Variants in COL4A4 observed in about 807,000 individuals in gnomAD.
COL4A4 encodes collagen type IV alpha 4 chain.
Under a neutral mutation model 192.9 loss-of-function variants are expected in COL4A4, and 105 were observed. That is an observed-to-expected ratio of 0.54 (90% confidence interval 0.46 to 0.64). The LOEUF (loss-of-function observed/expected upper bound fraction) is 0.64, where lower values mean the gene tolerates loss of function less well. COL4A4 is among the 30% of genes least tolerant of loss of function. The pLI is 0.00. For synonymous variants in COL4A4, 762 were observed against 769.9 expected, an observed-to-expected ratio of 0.99 and a Z score of 0.17; for missense variants, 1,967 against 2,169.3, an observed-to-expected ratio of 0.91 and a Z score of 1.85.
At chr2:227,147,194 A>G (rs2063602777) in intron 2 of COL4A4, 1 of 675,608 alleles carries the variant, frequency 1.5e-6, no homozygotes, top group Admixed American at 1.8e-5. Context: ...TTCCTTGTGC[A>G]ACTTCCCATT....
At chr2:227,020,443 T>C (rs1965782615) in intron 44 of COL4A4, among the ~76,000 whole-genome samples, 1 of 152,246 alleles carries the variant, frequency 6.6e-6, no homozygotes, top group South Asian at 2.1e-4. Flanking sequence ...ACAGATGCAA[T>C]GCAATAAACA....
intron 12 of COL4A4, among the ~76,000 whole-genome samples, chr2:227,108,039 A>G (rs1247198696): frequency 6.6e-6 from 1 of 152,126 alleles, no homozygotes; most frequent in Non-Finnish European, 1.5e-5. Context: ...TACAGGCATC[A>G]GCCATCGTGC....
intron 37 of COL4A4, among the ~76,000 whole-genome samples, chr2:227,041,856 A>AGAG (rs1559478390): frequency 4.1e-5 from 4 of 97,040 alleles, no homozygotes; most frequent in Non-Finnish European, 8.5e-5. Flanking sequence ...AAGAGAAAGA[A>AGAG]AGAAAGAAAG....
At chr2:226,967,690 A>G in the COL4A4 span, among the ~76,000 whole-genome samples, 1 of 152,058 alleles carries the variant, frequency 6.6e-6, no homozygotes, top group Non-Finnish European at 1.5e-5. Flanking sequence ...ATAAATTTTA[A>G]TTGTTATAGT....
intron 25 of COL4A4, among the ~76,000 whole-genome samples, chr2:227,074,785 A>G (rs2058926980): frequency 6.6e-6 from 1 of 152,164 alleles, no homozygotes; most frequent in Non-Finnish European, 1.5e-5. Flanking sequence ...ATAATTATAA[A>G]TGAAGTAACA....
intron 44 of COL4A4, among the ~76,000 whole-genome samples, chr2:227,013,280 C>T (rs950230101): frequency 7.2e-5 from 11 of 152,116 alleles, no homozygotes; most frequent in Non-Finnish European, 4.4e-5. Context: ...CTCTCTTTCT[C>T]TCTCTGTCTC....
At chr2:226,991,834 T>C in the COL4A4 span, among the ~76,000 whole-genome samples, 1 of 152,192 alleles carries the variant, frequency 6.6e-6, no homozygotes. Flanking sequence ...GTCCCCTTTT[T>C]CAGTAGCCTC....
At chr2:227,124,741 CAA>C (rs1446952096) in intron 4 of COL4A4, among the ~76,000 whole-genome samples, 1 of 152,160 alleles carries the variant, frequency 6.6e-6, no homozygotes, top group Non-Finnish European at 1.5e-5. Context: ...TAAAAACAAA[CAA>C]TGACTTCAGA....
chr2:227,057,381 A>G, intron 29 of COL4A4, 58 bp downstream of exon 29: 2 of 1,532,142 alleles, frequency 1.3e-6, no homozygotes, highest in Non-Finnish European at 1.8e-6. Context: ...GTAAAAGGGG[A>G]GCTTATTTAA....
chr2:227,157,557 A>C (rs995556139), intron 1 of COL4A4, among the ~76,000 whole-genome samples: 3 of 152,068 alleles, frequency 2.0e-5, no homozygotes, highest in African/African-American at 7.2e-5. Context: ...GGAATATTAA[A>C]AATGACAATA....
chr2:227,144,963 G>A (rs970679321), intron 2 of COL4A4, among the ~76,000 whole-genome samples: 16 of 152,172 alleles, frequency 1.1e-4, no homozygotes, highest in African/African-American at 3.9e-4. Context: ...TTTAGTGGAA[G>A]CAACTAGAAG....
intron 35 of COL4A4, among the ~76,000 whole-genome samples, chr2:227,045,801 CATATATATATATAT>C (rs771258452): frequency 1.9e-5 from 1 of 51,650 alleles, no homozygotes; most frequent in Non-Finnish European, 3.4e-5. Context: ...TATATATACA[CATATATATATATAT>C]ACACATATAT....
At chr2:227,060,035 A>T in intron 27 of COL4A4, 101 bp downstream of exon 27, 1 of 804,596 alleles carries the variant, frequency 1.2e-6, no homozygotes, top group Non-Finnish European at 2.0e-6. Flanking sequence ...TCCCTGGACC[A>T]TTTCCTCAAT....
At chr2:227,141,368 T>C (rs1322507467) in intron 3 of COL4A4, among the ~76,000 whole-genome samples, 2 of 152,190 alleles carry the variant, frequency 1.3e-5, no homozygotes, top group Non-Finnish European at 2.9e-5. Flanking sequence ...ACAATAAAAC[T>C]AATATTTATA....
intron 19 of COL4A4, among the ~76,000 whole-genome samples, 196 bp downstream of exon 19, chr2:227,098,498 G>C (rs150373456): frequency 6.6e-6 from 1 of 152,160 alleles, no homozygotes; most frequent in Non-Finnish European, 1.5e-5. Flanking sequence ...ACACAGGAGC[G>C]CTTCTACAGT....
At chr2:227,142,334 C>T (rs771960908) in intron 3 of COL4A4, among the ~76,000 whole-genome samples, 19 of 152,080 alleles carry the variant, frequency 1.2e-4, no homozygotes, top group South Asian at 8.3e-4. Flanking sequence ...ATTCAAAGTA[C>T]GAACGACATT....
At chr2:227,098,967 C>T (rs1036996832) in intron 18 of COL4A4, among the ~76,000 whole-genome samples, 169 bp from the exon 19 acceptor site, 2 of 152,206 alleles carry the variant, frequency 1.3e-5, no homozygotes, top group African/African-American at 4.8e-5. Flanking sequence ...TTGGCTGTGC[C>T]TCTTCCTCAG....
At chr2:227,131,346 A>G (rs67896859) in intron 4 of COL4A4, among the ~76,000 whole-genome samples, 53,793 of 151,682 alleles carry the variant, frequency 0.35, 10,011 homozygotes, top group Non-Finnish European at 0.41. Context: ...TAGTAGAGAC[A>G]GGTTTTCGCC....
chr2:227,043,661 T>A (rs972116249), intron 35 of COL4A4, among the ~76,000 whole-genome samples: 2 of 152,170 alleles, frequency 1.3e-5, no homozygotes, highest in Admixed American at 1.3e-4. Flanking sequence ...TTAGGAAAAA[T>A]TCCTAGGAGT....
Sources: allele counts gnomAD v4.1 joint callset (sites outside exome capture counted in the v4.1 genomes callset), GRCh38; gene constraint gnomAD v4.1.1; transcripts MANE v1.5; gene names NCBI Gene and HGNC (gene_info 2026-07-23, HGNC 2026-07-21).